IL1RAPL1: variants seen among roughly 807,000 people sequenced by gnomAD.
IL1RAPL1 encodes the protein interleukin 1 receptor accessory protein like 1, also known as interleukin-1 receptor accessory protein-like 1.
In IL1RAPL1, 3 loss-of-function variants were observed where a neutral mutation model predicts 48.4. That is an observed-to-expected ratio of 0.06 (90% CI 0.03 to 0.16). The LOEUF (loss-of-function observed/expected upper bound fraction) is 0.16. Ranked by LOEUF, IL1RAPL1 falls within the 10% of genes least tolerant of loss-of-function variation. The probability of loss-of-function intolerance (pLI) is 1.00; values close to 1 mark genes in which losing one functional copy is unlikely to be tolerated. For synonymous variants in IL1RAPL1, 185 were observed against 187.7 expected, an observed-to-expected ratio of 0.99 and a Z score of 0.12; for missense variants, 349 against 530.6, an observed-to-expected ratio of 0.66 and a Z score of 3.36.
intron 2 of IL1RAPL1, among the ~76,000 whole-genome samples, chrX:29,023,205 C>A (rs1285449045): frequency 8.9e-6 from 1 of 112,684 alleles, no homozygotes; most frequent in Non-Finnish European, 1.9e-5. Context: ...TAAGTAACCA[C>A]GTCAATGTTC....
intron 2 of IL1RAPL1, among the ~76,000 whole-genome samples, chrX:29,058,372 T>C (rs1443950056): frequency 9.0e-6 from 1 of 110,875 alleles, no homozygotes; most frequent in Non-Finnish European, 1.9e-5. Flanking sequence ...TGAGATTCCA[T>C]CTTAAAATAA....
At chrX:29,053,215 T>C (rs1241371875) in intron 2 of IL1RAPL1, among the ~76,000 whole-genome samples, 1 of 112,065 alleles carries the variant, frequency 8.9e-6, no homozygotes, top group Non-Finnish European at 1.9e-5. Flanking sequence ...ATTTGTTCTT[T>C]TTTTATGGCT....
intron 3 of IL1RAPL1, among the ~76,000 whole-genome samples, chrX:29,382,044 C>A (rs909759501): frequency 1.8e-5 from 2 of 108,676 alleles, no homozygotes; most frequent in African/African-American, 3.4e-5. Context: ...CCAAGGTAGT[C>A]AATTTACAGT....
chrX:29,236,918 A>C (rs1204319906), intron 2 of IL1RAPL1, among the ~76,000 whole-genome samples: 1 of 109,081 alleles, frequency 9.2e-6, no homozygotes, highest in Admixed American at 1.0e-4. Context: ...CACAACTGCA[A>C]TACCTTATAT....
At position 29,451,174 on chromosome X, in the gene IL1RAPL1, T is replaced by A. The variant is rs181721711; in HGVS notation, c.703+51866T>A. Among the ~76,000 whole-genome samples the A allele has an allele frequency of 8.2e-5, 9 of 109,717 alleles. No homozygotes were observed. The East Asian group carries it at 2.3e-3, about 27-fold the overall frequency. ...TTCTTCTATTCTTTTTTATTATTTTTATTTTTTTATTTTTTATTTTATTTT... is the reference window on the plus strand; with the variant it reads ...TTCTTCTATTCTTTTTTATTATTTTAATTTTTTTATTTTTTATTTTATTTT... On this transcript the variant is annotated intron_variant, in intron 5 of 10. Transcript: ENST00000378993.
At chrX:29,509,173 G>A (rs1935367457) in intron 5 of IL1RAPL1, among the ~76,000 whole-genome samples, 1 of 111,767 alleles carries the variant, frequency 8.9e-6, no homozygotes, top group Non-Finnish European at 1.9e-5. Context: ...CTGTACGGCA[G>A]GCTGTCAGAA....
chrX:29,282,304 G>A (rs1418851918), intron 2 of IL1RAPL1, among the ~76,000 whole-genome samples: 1 of 112,339 alleles, frequency 8.9e-6, no homozygotes, highest in Non-Finnish European at 1.9e-5. Flanking sequence ...ACTTTATTGG[G>A]AAGGTACAAC....
Position 29,329,167 on chromosome X carries a change from ACACT to A in IL1RAPL1, c.362+45953_362+45956del, listed in dbSNP as rs1332432430. 4.5e-5 allele frequency among the ~76,000 whole-genome samples: 5 copies of A among 111,416 alleles called. No individual in the cohort carries two copies. The Admixed American group carries it at 4.8e-4, about 11-fold the overall frequency. On this transcript the variant is annotated intron_variant, in intron 3 of 10. Coordinates refer to ENST00000378993, the MANE Select transcript of IL1RAPL1 (RefSeq NM_014271.4). The stretch of plus-strand genomic sequence containing the variant: ...AGATTCTAAACACACACACATACAC[ACACT>A]CAAACACACACACACACACAAATGA...
intron 8 of IL1RAPL1, among the ~76,000 whole-genome samples, chrX:29,934,569 CAAG>C (rs1932998797): frequency 1.8e-5 from 2 of 112,022 alleles, no homozygotes; most frequent in African/African-American, 6.5e-5. Context: ...TAGAAAATTA[CAAG>C]AACAGTGCAA....
intron 2 of IL1RAPL1, among the ~76,000 whole-genome samples, chrX:29,009,353 A>T (rs1370236382): frequency 8.9e-6 from 1 of 111,734 alleles, no homozygotes; most frequent in Non-Finnish European, 1.9e-5. Context: ...CCAAAAGTAA[A>T]AGTTGGAAAA....
At chrX:29,014,726 TGTA>T (rs1169972741) in intron 2 of IL1RAPL1, among the ~76,000 whole-genome samples, 4 of 112,130 alleles carry the variant, frequency 3.6e-5, no homozygotes, top group African/African-American at 1.3e-4. Context: ...TATTCTATAT[TGTA>T]GTCCCCCAAA....
intron 2 of IL1RAPL1, among the ~76,000 whole-genome samples, chrX:28,819,832 C>A (rs1164536884): frequency 9.5e-6 from 1 of 105,214 alleles, no homozygotes; most frequent in East Asian, 3.0e-4. Flanking sequence ...TTAAGAATTG[C>A]ATAGTTTTTT....
At chrX:29,060,013 G>A (rs1276572016) in intron 2 of IL1RAPL1, among the ~76,000 whole-genome samples, 2 of 111,411 alleles carry the variant, frequency 1.8e-5, no homozygotes, top group Non-Finnish European at 3.8e-5. Context: ...TATCTGAAAG[G>A]CAAAAACACT....
intron 6 of IL1RAPL1, among the ~76,000 whole-genome samples, chrX:29,879,013 C>A (rs1216116858): frequency 1.8e-5 from 2 of 111,087 alleles, no homozygotes. Flanking sequence ...ACATAGAGTT[C>A]ATTGGGTGAA....
At chrX:29,679,061 G>T (rs191423934) in intron 6 of IL1RAPL1, among the ~76,000 whole-genome samples, 1,481 of 111,495 alleles carry the variant, frequency 0.013, 18 homozygotes, top group African/African-American at 0.046. Context: ...TAGAATGGCG[G>T]CTCTTTGAGT....
chrX:28,715,309 T>G (rs760369286), intron 1 of IL1RAPL1, among the ~76,000 whole-genome samples: 1 of 111,753 alleles, frequency 8.9e-6, no homozygotes, highest in Non-Finnish European at 1.9e-5. Flanking sequence ...GGGTAAATAA[T>G]AAAATTAAGG....
chrX:29,912,553 G>A (rs931593775), intron 6 of IL1RAPL1, among the ~76,000 whole-genome samples: 2 of 111,833 alleles, frequency 1.8e-5, no homozygotes, highest in African/African-American at 3.3e-5. Context: ...CAAAGTCTAT[G>A]GAGAAAGGAG....
chrX:29,873,833 G>A (rs1931851640), intron 6 of IL1RAPL1, among the ~76,000 whole-genome samples: 1 of 111,503 alleles, frequency 9.0e-6, no homozygotes, highest in Non-Finnish European at 1.9e-5. Flanking sequence ...TATTACCGCA[G>A]GTCTCCTTTT....
intron 6 of IL1RAPL1, among the ~76,000 whole-genome samples, chrX:29,836,834 G>A (rs746839736): frequency 3.9e-4 from 43 of 111,092 alleles, no homozygotes; most frequent in Admixed American, 9.6e-4. Flanking sequence ...GAGAAAAATT[G>A]AAGCTCATAG....
Sources: allele counts gnomAD v4.1 joint callset (sites outside exome capture counted in the v4.1 genomes callset), GRCh38; gene constraint gnomAD v4.1.1; transcripts MANE v1.5; gene names NCBI Gene and HGNC (gene_info 2026-07-23, HGNC 2026-07-21).